REEP1: variants seen among roughly 807,000 people sequenced by gnomAD.
REEP1 encodes receptor accessory protein 1, also known as receptor expression-enhancing protein 1.
A neutral mutation model predicts 40.3 loss-of-function variants in REEP1; 22 were observed. That is an observed-to-expected ratio of 0.55 (90% CI 0.39 to 0.78). The LOEUF (loss-of-function observed/expected upper bound fraction) is 0.78. Ranked by LOEUF, REEP1 falls within the 30% of genes least tolerant of loss-of-function variation. The pLI is 0.00. For synonymous variants in REEP1, 116 were observed against 139.2 expected, an observed-to-expected ratio of 0.83 and a Z score of 1.17; for missense variants, 280 against 361.1, an observed-to-expected ratio of 0.78 and a Z score of 1.82.
intron 1 of REEP1, among the ~76,000 whole-genome samples, chr2:86,289,021 T>C (rs1480771060): frequency 6.6e-6 from 1 of 152,234 alleles, no homozygotes; most frequent in Admixed American, 6.5e-5. Context: ...TACAAATGTT[T>C]TTCCTCAATA....
chr2:86,259,824 C>T (rs977018168), intron 3 of REEP1, among the ~76,000 whole-genome samples: 5 of 152,010 alleles, frequency 3.3e-5, no homozygotes, highest in Admixed American at 1.3e-4. Flanking sequence ...CAAAGTTAAC[C>T]ATGAAAAGGG....
rs1182977563 is a variant in REEP1 at position 86,252,045 on chromosome 2, G to A, written c.329C>T (p.Ala110Val). Residue 110 changes from alanine (A) to valine (V), a missense_variant, in exon 5 of 9, where the codon GCA becomes GTA. Coordinates refer to ENST00000538924, the MANE Select transcript of REEP1 (RefSeq NM_001371279.1). Reference protein sequence around the residue: ...EKEIDDCLVQAKDRSYDALVH... With the variant: ...EKEIDDCLVQVKDRSYDALVH... ...AAGGGCATCGTAACTTCGGTCTTTT[G>A]CTTGGACCAGACAATCATCGATTTC... 6.2e-7 allele frequency: 1 copy of A among 1,613,846 alleles called. No individual in the cohort carries two copies. The highest frequency in any genetic ancestry group is 1.1e-5 in the South Asian group (1 of 91,072).
chr2:86,219,833 G>C, intron 8 of REEP1, 137 bp downstream of exon 8: 1 of 553,550 alleles, frequency 1.8e-6, no homozygotes, highest in Non-Finnish European at 2.7e-6. Flanking sequence ...CTGCTTGTTT[G>C]ATGGAAGGAG....
intron 1 of REEP1, among the ~76,000 whole-genome samples, chr2:86,331,634 A>T (rs1044285287): frequency 2.6e-5 from 4 of 152,192 alleles, no homozygotes; most frequent in African/African-American, 4.8e-5. Context: ...GAGTGGGAAC[A>T]GGAGGCACCT....
intron 1 of REEP1, among the ~76,000 whole-genome samples, chr2:86,318,480 C>T (rs1680135718): frequency 6.6e-6 from 1 of 150,678 alleles, no homozygotes; most frequent in African/African-American, 2.4e-5. Flanking sequence ...CCCACTGCAA[C>T]CTCCGCCTCC....
intron 2 of REEP1, among the ~76,000 whole-genome samples, chr2:86,270,720 C>T (rs1574062603): frequency 6.6e-6 from 1 of 152,180 alleles, no homozygotes; most frequent in African/African-American, 2.4e-5. Context: ...AAGACAAATC[C>T]AGACTAAAGC....
chr2:86,331,444 AG>A (rs1021287805), intron 1 of REEP1, among the ~76,000 whole-genome samples: 4 of 151,646 alleles, frequency 2.6e-5, no homozygotes, highest in African/African-American at 4.9e-5. Flanking sequence ...CCCTACAAAG[AG>A]GGGGAAAGGA....
chr2:86,263,734 T>C (rs1271250271), intron 3 of REEP1, among the ~76,000 whole-genome samples: 1 of 152,246 alleles, frequency 6.6e-6, no homozygotes, highest in Non-Finnish European at 1.5e-5. Context: ...TCCATGACTA[T>C]ATCCCCAGGG....
chr2:86,226,335 C>CAT (rs1466763724), intron 7 of REEP1, among the ~76,000 whole-genome samples: 47 of 152,096 alleles, frequency 3.1e-4, no homozygotes, highest in Non-Finnish European at 6.0e-4. Flanking sequence ...AACAGGGCTC[C>CAT]CTTGGCTGCC....
intron 1 of REEP1, among the ~76,000 whole-genome samples, chr2:86,319,475 A>C (rs1680185977): frequency 6.6e-6 from 1 of 152,182 alleles, no homozygotes; most frequent in Non-Finnish European, 1.5e-5. Flanking sequence ...TACCCCCAGC[A>C]CTTGAGGCCA....
chr2:86,331,908 C>T (rs934306575), intron 1 of REEP1, among the ~76,000 whole-genome samples: 1 of 152,090 alleles, frequency 6.6e-6, no homozygotes, highest in Admixed American at 6.5e-5. Flanking sequence ...CTTCTTGCTC[C>T]TCAAGACAGT....
At chr2:86,250,252 C>A (rs1440183031) in intron 5 of REEP1, among the ~76,000 whole-genome samples, 1 of 152,138 alleles carries the variant, frequency 6.6e-6, no homozygotes, top group African/African-American at 2.4e-5. Flanking sequence ...CACTGAACCA[C>A]CCTGACAGAT....
At chr2:86,318,167 A>T (rs1419284844) in intron 1 of REEP1, among the ~76,000 whole-genome samples, 1 of 152,186 alleles carries the variant, frequency 6.6e-6, no homozygotes, top group Non-Finnish European at 1.5e-5. Context: ...ACATTTGAAG[A>T]TCTGCATCTA....
rs1332974272 is a variant in REEP1, at chr2:86,220,134, T to C, written c.632-13A>G. ...TCTCCCTCAACCACTTAATGTCCAT[T>C]TACAATCTACACAGATGAGACAAGG... is the stretch of plus-strand genomic sequence containing the variant. On this transcript the variant is annotated splice_polypyrimidine_tract_variant and intron_variant, in intron 7 of 8. Transcript: ENST00000538924. 1.5e-5 allele frequency: 19 copies of C among 1,229,074 alleles called. No homozygotes were observed. The highest frequency in any genetic ancestry group is 1.8e-5 in the Non-Finnish European group (18 of 986,648). The allele number at this position is 1,229,074 out of a possible 1,614,324, so 76.1% of individuals were successfully genotyped here.
chr2:86,291,955 C>T (rs1162167297), intron 1 of REEP1, among the ~76,000 whole-genome samples: 4 of 152,224 alleles, frequency 2.6e-5, no homozygotes, highest in African/African-American at 9.6e-5. Context: ...ACTCCACAAT[C>T]CAATCCACAC....
At chr2:86,217,561 T>G in intron 8 of REEP1, among the ~76,000 whole-genome samples, 1 of 152,154 alleles carries the variant, frequency 6.6e-6, no homozygotes, top group East Asian at 1.9e-4. Context: ...GAGAAACCTC[T>G]TAATGTACAG....
intron 1 of REEP1, among the ~76,000 whole-genome samples, chr2:86,302,172 C>G (rs1009702253): frequency 6.6e-6 from 1 of 152,220 alleles, no homozygotes; most frequent in Non-Finnish European, 1.5e-5. Flanking sequence ...TCAGGAGGCT[C>G]CCGGGTCCCA....
In REEP1 at chr2:86,250,193, T is replaced by C. The variant is rs193224046; in HGVS notation, c.417+1764A>G. ...AGAAAAGGATGGCCTGCAGAAGTTA[T>C]TGTCAGAATGAAATCTACATGCACG... On this transcript the variant is annotated intron_variant, in intron 5 of 8. Transcript: ENST00000538924. 1.6e-3 allele frequency among the ~76,000 whole-genome samples: 237 copies of C among 152,270 alleles called. 2 individuals are homozygous for C. The highest frequency in any genetic ancestry group is 5.5e-3 in the African/African-American group (229 of 41,554).
intron 1 of REEP1, among the ~76,000 whole-genome samples, chr2:86,297,033 C>T (rs1171332331): frequency 6.6e-6 from 1 of 152,206 alleles, no homozygotes; most frequent in African/African-American, 2.4e-5. Flanking sequence ...ACATGTGCCA[C>T]GTTGTGCACG....
Sources: gnomAD v4.1 joint callset for allele counts (sites outside exome capture counted in the v4.1 genomes callset) on GRCh38, gnomAD v4.1.1 for gene constraint, MANE v1.5 for transcripts, NCBI Gene and HGNC (gene_info 2026-07-23, HGNC 2026-07-21) for gene names.